The following CAST variants were observed in gnomAD, a reference collection of about 807,000 sequenced individuals.
The protein encoded by CAST is calpastatin.
A neutral mutation model predicts 119.6 loss-of-function variants in CAST; 76 were observed. The ratio of observed to expected loss-of-function variants is 0.64; its 90% confidence interval spans 0.53 to 0.77. The LOEUF (loss-of-function observed/expected upper bound fraction) is 0.77. Among genes scored for constraint, CAST ranks in the 30% least tolerant of loss-of-function variants. CAST has a pLI of 0.00. For missense variants in CAST, 953 were observed against 946.5 expected (o/e 1.01, Z -0.09); for synonymous variants, 319 against 331.6 (o/e 0.96, Z 0.41).
At chr5:96,312,883 C>A in the CAST span, among the ~76,000 whole-genome samples, 3 of 151,990 alleles carry the variant, frequency 2.0e-5, no homozygotes, top group African/African-American at 7.2e-5. Flanking sequence ...CTTAAGTGAC[C>A]TTTTCCTCAG....
At chr5:96,707,351 T>C (rs934498061) in intron 3 of CAST, among the ~76,000 whole-genome samples, 4 of 152,136 alleles carry the variant, frequency 2.6e-5, no homozygotes, top group African/African-American at 9.7e-5. Flanking sequence ...GAAAAAATGA[T>C]TTTGGGTCTG....
chr5:96,287,928 T>A, the CAST span, among the ~76,000 whole-genome samples: 1 of 152,090 alleles, frequency 6.6e-6, no homozygotes, highest in Non-Finnish European at 1.5e-5. Context: ...AAACAGAAAA[T>A]CTTTTTACGG....
chr5:96,040,592 A>T, the CAST span, among the ~76,000 whole-genome samples: 1 of 152,094 alleles, frequency 6.6e-6, no homozygotes, highest in Non-Finnish European at 1.5e-5. Flanking sequence ...AGGGCTGTTA[A>T]ATTTTGTCAA....
chr5:96,505,710 C>T, the CAST span, among the ~76,000 whole-genome samples: 1 of 152,158 alleles, frequency 6.6e-6, no homozygotes, highest in Non-Finnish European at 1.5e-5. Flanking sequence ...GCTAAAAGGA[C>T]CCAGTTGAGG....
At chr5:96,527,805 C>G (rs998708748), upstream of CAST, among the ~76,000 whole-genome samples, 3 of 152,156 alleles carry the variant, frequency 2.0e-5, no homozygotes, top group African/African-American at 7.2e-5. Flanking sequence ...TGAGGTGGGA[C>G]TATGCTGATT....
the CAST span, among the ~76,000 whole-genome samples, chr5:96,412,752 GTTTTTTTTT>G: frequency 2.8e-5 from 2 of 71,832 alleles, no homozygotes; most frequent in South Asian, 5.3e-4. Context: ...CAGCTGTGAT[GTTTTTTTTT>G]TTTTTTTTTT....
chr5:95,992,533 A>T, the CAST span, among the ~76,000 whole-genome samples: 1 of 152,170 alleles, frequency 6.6e-6, no homozygotes, highest in South Asian at 2.1e-4. Flanking sequence ...AAGGTCATGC[A>T]TGAAAAACAA....
chr5:96,724,076 A>C (rs990794456), intron 4 of CAST, among the ~76,000 whole-genome samples: 3 of 152,350 alleles, frequency 2.0e-5, no homozygotes, highest in African/African-American at 7.2e-5. Context: ...TTAGTATTTA[A>C]ATTTACATTG....
chr5:96,345,957 GC>G, the CAST span, among the ~76,000 whole-genome samples: 7 of 152,170 alleles, frequency 4.6e-5, no homozygotes, highest in Non-Finnish European at 8.8e-5. Context: ...TTTATTGGAA[GC>G]AAAAGTAGGG....
chr5:96,618,668 G>A (rs1352888255), intron 1 of CAST, among the ~76,000 whole-genome samples: 9 of 151,124 alleles, frequency 6.0e-5, no homozygotes, highest in African/African-American at 1.9e-4. Context: ...TGGAGGGTGC[G>A]CTGGGTCCCC....
At chr5:96,391,104 C>T in the CAST span, 1 of 152,178 alleles carries the variant, frequency 6.6e-6, no homozygotes, top group Non-Finnish European at 1.5e-5. Context: ...ATTGGAAATT[C>T]TATCTAACAC....
the CAST span, among the ~76,000 whole-genome samples, chr5:96,171,515 A>G: frequency 4.6e-5 from 7 of 152,328 alleles, no homozygotes; most frequent in African/African-American, 1.7e-4. Flanking sequence ...TGACCAAGGC[A>G]GGCGTCCCGG....
At chr5:96,245,089 C>G in the CAST span, among the ~76,000 whole-genome samples, 1 of 152,150 alleles carries the variant, frequency 6.6e-6, no homozygotes, top group African/African-American at 2.4e-5. Flanking sequence ...TCCCTTAACC[C>G]CAGTCCATCC....
chr5:96,317,620 T>C, the CAST span, among the ~76,000 whole-genome samples: 3 of 152,134 alleles, frequency 2.0e-5, no homozygotes, highest in Admixed American at 2.0e-4. Context: ...AATTATTTAG[T>C]CATATTACAT....
the CAST span, among the ~76,000 whole-genome samples, chr5:96,422,279 A>T: frequency 3.3e-5 from 5 of 152,158 alleles, no homozygotes; most frequent in East Asian, 9.6e-4. Context: ...TCAGATGAGA[A>T]AATTGAGGCC....
At chr5:96,341,033 T>A in the CAST span, among the ~76,000 whole-genome samples, 1 of 152,192 alleles carries the variant, frequency 6.6e-6, no homozygotes, top group Non-Finnish European at 1.5e-5. Context: ...CAGAAATAGT[T>A]CAGTAGAGAA....
intron 13 of CAST, chr5:96,741,024 A>C: frequency 1.7e-6 from 1 of 595,766 alleles, no homozygotes; most frequent in Admixed American, 3.1e-5. Flanking sequence ...ATAGAATATT[A>C]TGCATGTTCA....
chr5:96,727,680 T>G (rs1759531192), intron 6 of CAST, 150 bp downstream of exon 6: 1 of 450,686 alleles, frequency 2.2e-6, no homozygotes, highest in African/African-American at 2.0e-5. Flanking sequence ...GCTGTGTACA[T>G]GTAGAATATA....
the CAST span, among the ~76,000 whole-genome samples, chr5:96,519,793 G>A: frequency 6.6e-6 from 1 of 152,096 alleles, no homozygotes; most frequent in African/African-American, 2.4e-5. Flanking sequence ...TTGTAGAAGG[G>A]ATGGGGTTTC....
Sources: allele counts gnomAD v4.1 joint callset (sites outside exome capture counted in the v4.1 genomes callset), GRCh38; gene constraint gnomAD v4.1.1; transcripts MANE v1.5; gene names NCBI Gene and HGNC (gene_info 2026-07-23, HGNC 2026-07-21).